Variants in PTPRM observed in about 807,000 individuals in gnomAD.
PTPRM encodes receptor-type tyrosine-protein phosphatase mu.
Under a neutral mutation model 186.7 loss-of-function variants are expected in PTPRM, and 47 were observed. That is an observed-to-expected ratio of 0.25 (90% CI 0.20 to 0.32). The LOEUF (loss-of-function observed/expected upper bound fraction) is 0.32. Among genes scored for constraint, PTPRM ranks in the 10% least tolerant of loss-of-function variants. The pLI is 1.00. For synonymous variants in PTPRM, 668 were observed against 674.9 expected, an observed-to-expected ratio of 0.99 and a Z score of 0.16; for missense variants, 1,494 against 1,865.0, an observed-to-expected ratio of 0.80 and a Z score of 3.66.
chr18:7,956,953 G>A (rs112963756), intron 7 of PTPRM, among the ~76,000 whole-genome samples: 20 of 152,302 alleles, frequency 1.3e-4, no homozygotes, highest in East Asian at 3.9e-4. Context: ...AGTGAAGCCC[G>A]TGTGAGCTCC....
At chr18:7,893,407 A>G (rs1040066945) in intron 3 of PTPRM, among the ~76,000 whole-genome samples, 1 of 152,172 alleles carries the variant, frequency 6.6e-6, no homozygotes, top group African/African-American at 2.4e-5. Context: ...TTCCCATTCT[A>G]CTTGTTCTAA....
intron 15 of PTPRM, 31 bp downstream of exon 15, chr18:8,244,240 C>A: frequency 6.7e-7 from 1 of 1,490,246 alleles, no homozygotes; most frequent in South Asian, 1.4e-5. Flanking sequence ...GCTTCTAACA[C>A]ATCTCCTTGG....
chr18:8,003,146 T>G (rs142174022), intron 7 of PTPRM, among the ~76,000 whole-genome samples: 1,587 of 152,268 alleles, frequency 0.01, 12 homozygotes, highest in South Asian at 0.034. Flanking sequence ...AATCCCCACA[T>G]GTCAAGGGCG....
rs555679638 is a variant in PTPRM at position 8,156,515 on chromosome 18, T to C, written c.2300+12736T>C. On this transcript the variant is annotated intron_variant, in intron 14 of 32. Coordinates refer to ENST00000580170, the MANE Select transcript of PTPRM (RefSeq NM_001105244.2). ...GTAAAAATTAGATGGTATATGTACA[T>C]AGTTGGTCTTTGATAGATAATAGCT... is the stretch of plus-strand genomic sequence containing the variant. Among the ~76,000 whole-genome samples, 4 of 152,276 alleles carry C rather than the reference T, an allele frequency of 2.6e-5. No homozygotes were observed. The East Asian group carries it at 7.7e-4, about 29-fold the overall frequency.
intron 2 of PTPRM, among the ~76,000 whole-genome samples, chr18:7,836,962 G>T (rs1567893294): frequency 1.3e-5 from 2 of 152,112 alleles, no homozygotes; most frequent in Admixed American, 1.3e-4. Context: ...ATGCCTTGAG[G>T]TAGTCTTTGG....
At position 8,289,545 on chromosome 18, in the gene PTPRM, T is replaced by TAC. The variant is rs1568674778; in HGVS notation, c.2755-6822_2755-6821insCA. On this transcript the variant is annotated intron_variant, in intron 19 of 32. Coordinates refer to ENST00000580170, the MANE Select transcript of PTPRM (RefSeq NM_001105244.2). ...ATATACATATATATACACATATATA[T>TAC]ATATACATATATATACACATATATA... is the stretch of plus-strand genomic sequence containing the variant. Among the ~76,000 whole-genome samples the TAC allele has an allele frequency of 1.7e-4, 19 of 112,508 alleles. No individual in the cohort carries two copies. The South Asian group carries it at 1.9e-3, about 11-fold the overall frequency. The allele number at this position is 112,508 out of a possible 152,430, so 73.8% of individuals were successfully genotyped here.
chr18:7,615,881 G>C (rs1050672144), intron 1 of PTPRM, among the ~76,000 whole-genome samples: 4 of 152,144 alleles, frequency 2.6e-5, no homozygotes, highest in Non-Finnish European at 5.9e-5. Flanking sequence ...GGTGATAGGA[G>C]ACAGTGACAG....
chr18:8,296,737 A>G (rs1036140173), intron 20 of PTPRM, among the ~76,000 whole-genome samples: 5 of 152,182 alleles, frequency 3.3e-5, no homozygotes, highest in African/African-American at 1.2e-4. Flanking sequence ...GATGGAGTAA[A>G]CATTATAGTC....
intron 1 of PTPRM, among the ~76,000 whole-genome samples, chr18:7,699,202 T>C (rs2039907735): frequency 1.3e-5 from 2 of 152,182 alleles, no homozygotes; most frequent in Admixed American, 1.3e-4. Flanking sequence ...TTTCATCCCA[T>C]GGAAAAATTG....
chr18:8,259,809 G>A (rs2094609777), intron 19 of PTPRM, among the ~76,000 whole-genome samples: 1 of 151,838 alleles, frequency 6.6e-6, no homozygotes, highest in Non-Finnish European at 1.5e-5. Flanking sequence ...CACCACTCCT[G>A]GCTCATGTTG....
chr18:8,024,681 CTTTTTTT>C (rs397724573), intron 7 of PTPRM, among the ~76,000 whole-genome samples: 1 of 124,836 alleles, frequency 8.0e-6, no homozygotes, highest in Admixed American at 8.6e-5. Flanking sequence ...AAACCCAAAT[CTTTTTTT>C]TTTTTTTTTT....
chr18:8,074,733 C>G (rs191063960), intron 8 of PTPRM, among the ~76,000 whole-genome samples: 1 of 152,238 alleles, frequency 6.6e-6, no homozygotes, highest in East Asian at 1.9e-4. Flanking sequence ...GTCCTTTGCC[C>G]ATTTCTAATT....
intron 14 of PTPRM, among the ~76,000 whole-genome samples, chr18:8,212,170 G>A (rs2094014789): frequency 6.6e-6 from 1 of 152,194 alleles, no homozygotes; most frequent in African/African-American, 2.4e-5. Context: ...CCTGTGCCTG[G>A]TAGGAAGGAG....
chr18:8,146,526 T>C (rs1467294513), intron 14 of PTPRM, among the ~76,000 whole-genome samples: 11 of 152,082 alleles, frequency 7.2e-5, no homozygotes, highest in Non-Finnish European at 1.2e-4. Flanking sequence ...TAAATTTGTT[T>C]AAGTTCTTTG....
intron 13 of PTPRM, among the ~76,000 whole-genome samples, chr18:8,129,751 A>G (rs1008087359): frequency 2.6e-5 from 4 of 152,240 alleles, no homozygotes; most frequent in Admixed American, 6.5e-5. Flanking sequence ...AATTTCCTTC[A>G]TCATCATAAG....
At chr18:7,597,805 A>T (rs2037303041) in intron 1 of PTPRM, among the ~76,000 whole-genome samples, 1 of 152,212 alleles carries the variant, frequency 6.6e-6, no homozygotes, top group East Asian at 1.9e-4. Flanking sequence ...AAGATTTCAG[A>T]AACCACACTA....
At chr18:7,676,617 G>A (rs1330956441) in intron 1 of PTPRM, among the ~76,000 whole-genome samples, 3 of 151,506 alleles carry the variant, frequency 2.0e-5, no homozygotes, top group Admixed American at 2.0e-4. Context: ...TGTCAGCCAG[G>A]AGATTCTAGC....
At chr18:8,282,837 C>T (rs1416670688) in intron 19 of PTPRM, among the ~76,000 whole-genome samples, 1 of 152,166 alleles carries the variant, frequency 6.6e-6, no homozygotes, top group Admixed American at 6.5e-5. Context: ...TCAAATTGCT[C>T]TTCCCTAAGG....
At chr18:7,773,683 T>C (rs1374376712) in intron 1 of PTPRM, among the ~76,000 whole-genome samples, 1 of 151,932 alleles carries the variant, frequency 6.6e-6, no homozygotes, top group Non-Finnish European at 1.5e-5. Flanking sequence ...CCTCTTGGGT[T>C]CAAGCGATTC....
Sources: gnomAD v4.1 joint callset for allele counts (sites outside exome capture counted in the v4.1 genomes callset) on GRCh38, gnomAD v4.1.1 for gene constraint, MANE v1.5 for transcripts, NCBI Gene and HGNC (gene_info 2026-07-23, HGNC 2026-07-21) for gene names.